ASIC2: variants seen among roughly 807,000 people sequenced by gnomAD.
ASIC2 encodes acid sensing ion channel subunit 2, also known as acid-sensing ion channel 2.
ASIC2 carries 25 observed loss-of-function variants against 57.3 expected under a neutral mutation model. The ratio of observed to expected loss-of-function variants is 0.44; its 90% CI spans 0.32 to 0.61. ASIC2 has a LOEUF of 0.61. ASIC2 is among the 20% of genes least tolerant of loss of function. The probability of loss-of-function intolerance (pLI) is 0.06; values close to 1 mark genes in which losing one functional copy is unlikely to be tolerated. For synonymous variants in ASIC2, 319 were observed against 307.5 expected (o/e 1.04, Z -0.39); for missense variants, 641 against 738.1 (o/e 0.87, Z 1.52).
In ASIC2 at chr17:34,156,257, A is replaced by G; in HGVS notation, c.276T>C (p.Cys92=). 4.3e-6 allele frequency: 7 copies of G among 1,614,176 alleles called. No individual in the cohort carries two copies. Among genetic ancestry groups the G allele is most frequent in the Non-Finnish European group, 5.9e-6 (7 of 1,180,030 alleles). Residue 92 remains cysteine, a synonymous_variant, in exon 1 of 10, where the codon TGT becomes TGC. Coordinates refer to the ASIC2 transcript ENST00000359872. The surrounding 1 kb of genome is among the most constrained non-coding windows in gnomAD (Gnocchi z 4.4). ...TGGAGAACCGGAAGCCATTCAGGTTACAGAGGGTCACAGCTGGGAAGACCA... is the reference window on the plus strand; with the variant it reads ...TGGAGAACCGGAAGCCATTCAGGTTGCAGAGGGTCACAGCTGGGAAGACCA...
rs539238510 is a variant in ASIC2, at chr17:33,016,675, G to A, written c.1522-636C>T. On this transcript the variant is annotated intron_variant, in intron 8 of 9. Transcript: ENST00000225823. ...CAGAGGAGCCTGGTTACTGGGGCAC[G>A]ACAGGTCCCTACTGTGGTTCCGAGC... 2.8e-3 allele frequency among the ~76,000 whole-genome samples: 423 copies of A among 152,180 alleles called. 1 individual carries two copies. The highest frequency in any genetic ancestry group is 5.0e-3 in the Non-Finnish European group (343 of 68,008).
In ASIC2 at chr17:33,280,489, T is replaced by C. The variant is rs1398532537; in HGVS notation, c.708+10919A>G. The stretch of plus-strand genomic sequence containing the variant: ...CATACAAACATAGAGCTGGGAAAGT[T>C]CAGACAAGAACTCTGGGCTAGAACC... On this transcript the variant is annotated intron_variant, in intron 1 of 9. Transcript: ENST00000225823. Among the ~76,000 whole-genome samples the C allele has an allele frequency of 2.0e-4, 30 of 152,170 alleles. 1 individual carries two copies.
chr17:33,925,637 G>A (rs1357015178), intron 1 of ASIC2, among the ~76,000 whole-genome samples: 2 of 152,208 alleles, frequency 1.3e-5, no homozygotes, highest in Admixed American at 1.3e-4. Context: ...CTGGGATTGG[G>A]CACCACGTTC....
At chr17:34,094,574 C>T (rs1486095016) in intron 1 of ASIC2, among the ~76,000 whole-genome samples, 1 of 152,188 alleles carries the variant, frequency 6.6e-6, no homozygotes, top group Non-Finnish European at 1.5e-5. Flanking sequence ...GCAATTCAAA[C>T]CCAGGGTGTT....
intron 1 of ASIC2, among the ~76,000 whole-genome samples, chr17:33,396,537 G>A (rs140775668): frequency 2.0e-5 from 3 of 152,272 alleles, no homozygotes; most frequent in African/African-American, 7.2e-5. Context: ...GGAAGTGGTG[G>A]TGCTGGGCTG....
intron 1 of ASIC2, among the ~76,000 whole-genome samples, chr17:34,115,510 G>A (rs1401142679): frequency 6.6e-6 from 1 of 152,182 alleles, no homozygotes; most frequent in Non-Finnish European, 1.5e-5. Context: ...ATTCTCAACA[G>A]ATGTTGAAGA....
chr17:33,088,847 A>G lies in ASIC2; in HGVS notation c.987+16T>C. ...GAGGCTGAGGACCATCAATCCTGGGAGCCCAGGGAACTTACCCTCTGCTCC... is the reference window on the plus strand; with the variant it reads ...GAGGCTGAGGACCATCAATCCTGGGGGCCCAGGGAACTTACCCTCTGCTCC... On this transcript the variant is annotated intron_variant, in intron 3 of 9. Coordinates refer to ENST00000225823, the MANE Select transcript of ASIC2 (RefSeq NM_183377.2). 6.2e-7 allele frequency: 1 copy of G among 1,601,936 alleles called. No homozygotes were observed. The highest frequency in any genetic ancestry group is 8.5e-7 in the Non-Finnish European group (1 of 1,173,952).
intron 1 of ASIC2, among the ~76,000 whole-genome samples, chr17:33,917,521 C>A (rs939736189): frequency 2.6e-5 from 4 of 152,178 alleles, no homozygotes; most frequent in African/African-American, 9.7e-5. Flanking sequence ...CCATTCTCTT[C>A]CCCTTGCTAC....
intron 1 of ASIC2, among the ~76,000 whole-genome samples, chr17:33,144,685 G>A (rs1904483036): frequency 6.6e-6 from 1 of 152,302 alleles, no homozygotes; most frequent in Middle Eastern, 3.4e-3. Flanking sequence ...CCCACAAGAA[G>A]CAGCCTGGGG....
At chr17:33,144,469 C>T (rs559074147) in intron 1 of ASIC2, among the ~76,000 whole-genome samples, 1 of 152,282 alleles carries the variant, frequency 6.6e-6, no homozygotes, top group East Asian at 1.9e-4. Flanking sequence ...AAGAGCTCAA[C>T]AGCACTTGAA....
chr17:33,850,972 G>A (rs1007706334), intron 1 of ASIC2, among the ~76,000 whole-genome samples: 6 of 152,174 alleles, frequency 3.9e-5, no homozygotes, highest in African/African-American at 1.4e-4. Flanking sequence ...CAGAGGCTTG[G>A]ACAGCCATGT....
rs201321581 is a variant in ASIC2, at chr17:33,703,337, CTGT to C, written c.555+452638_555+452640del. Among the ~76,000 whole-genome samples the C allele has an allele frequency of 1.5e-3, 191 of 127,326 alleles. 1 individual carries two copies. The highest frequency in any genetic ancestry group is 0.01 in the South Asian group (41 of 3,952). The allele number at this position is 127,326 out of a possible 152,430, so 83.5% of individuals were successfully genotyped here. A position where few individuals can be genotyped will look rare whatever the true frequency, so the allele number is the denominator to read the frequency against. ...TTTCTTTTTCTTTTTTTTTTTGTTG[CTGT>C]TGTTGTTGTTGTTGTTGTTGTTGTT... On this transcript the variant is annotated intron_variant, in intron 1 of 9. Coordinates refer to the ASIC2 transcript ENST00000359872.
At chr17:33,226,318 T>C (rs1907878949) in intron 1 of ASIC2, among the ~76,000 whole-genome samples, 1 of 152,216 alleles carries the variant, frequency 6.6e-6, no homozygotes. Flanking sequence ...ACAGAAGTAC[T>C]ATACACTAAC....
At chr17:33,658,042 CTT>C (rs1907131395) in intron 1 of ASIC2, among the ~76,000 whole-genome samples, 1 of 152,202 alleles carries the variant, frequency 6.6e-6, no homozygotes, top group African/African-American at 2.4e-5. Context: ...ATGACAAAGA[CTT>C]TGGGCTGAAG....
intron 1 of ASIC2, among the ~76,000 whole-genome samples, chr17:33,245,393 T>A (rs975617879): frequency 1.3e-5 from 2 of 152,154 alleles, no homozygotes; most frequent in African/African-American, 4.8e-5. Context: ...CTTGAGTCAA[T>A]ATGGAATTTT....
intron 1 of ASIC2, among the ~76,000 whole-genome samples, chr17:33,874,605 G>A (rs923669867): frequency 6.6e-6 from 1 of 152,180 alleles, no homozygotes; most frequent in Admixed American, 6.5e-5. Flanking sequence ...ATGCAACTTT[G>A]TTCCCCTGCC....
chr17:34,128,048 C>A (rs1911839669), intron 1 of ASIC2, among the ~76,000 whole-genome samples: 1 of 152,110 alleles, frequency 6.6e-6, no homozygotes, highest in South Asian at 2.1e-4. Context: ...GATGATGATA[C>A]CACATCCCAC....
intron 1 of ASIC2, among the ~76,000 whole-genome samples, chr17:33,424,985 G>A (rs1911169851): frequency 6.6e-6 from 1 of 152,160 alleles, no homozygotes; most frequent in Admixed American, 6.5e-5. Flanking sequence ...AATAGGGAGA[G>A]GAAATGCACA....
rs145226228 is a variant in ASIC2, at chr17:33,185,361, A to C, written c.709-73294T>G. Among the ~76,000 whole-genome samples the C allele has an allele frequency of 7.0e-3, 1,068 of 152,288 alleles. 11 individuals carry two copies. Among genetic ancestry groups the C allele is most frequent in the African/African-American group, 0.024 (1,000 of 41,542 alleles). On this transcript the variant is annotated intron_variant, in intron 1 of 9. Coordinates refer to ENST00000225823, the MANE Select transcript of ASIC2 (RefSeq NM_183377.2). ...TTTTTGTTAAGAAGTTTCTGGCTAC[A>C]CATAATGGAAAAAGTGACTTGGTGC... is the stretch of plus-strand genomic sequence containing the variant.
Sources: allele counts gnomAD v4.1 joint callset (sites outside exome capture counted in the v4.1 genomes callset), GRCh38; gene constraint gnomAD v4.1.1; non-coding constraint Gnocchi (gnomAD v3.1); transcripts MANE v1.5; gene names NCBI Gene and HGNC (gene_info 2026-07-23, HGNC 2026-07-21).